The following XPC variants were observed in gnomAD, a reference collection of about 807,000 sequenced individuals.
XPC encodes the protein DNA repair protein complementing XP-C cells.
In XPC, 76 loss-of-function variants were observed where a neutral mutation model predicts 95.8. The ratio of observed to expected loss-of-function variants is 0.79; its 90% CI spans 0.66 to 0.96. The LOEUF (loss-of-function observed/expected upper bound fraction) is 0.96. Among genes scored for constraint, XPC ranks in the 40% least tolerant of loss-of-function variants. The probability of loss-of-function intolerance (pLI) is 0.00; values close to 1 mark genes in which losing one functional copy is unlikely to be tolerated. For synonymous variants in XPC, 442 were observed against 442.1 expected (o/e 1.00, Z 0.00); for missense variants, 1,146 against 1,179.8 (o/e 0.97, Z 0.42).
intron 1 of XPC, among the ~76,000 whole-genome samples, chr3:14,175,896 T>A (rs1349646550): frequency 1.3e-5 from 2 of 152,200 alleles, no homozygotes; most frequent in Non-Finnish European, 2.9e-5. Context: ...ACTCTGCAGA[T>A]CCTGGAAGCT....
At chr3:14,155,839 T>C (rs1286776788) in intron 10 of XPC, among the ~76,000 whole-genome samples, 4 of 152,180 alleles carry the variant, frequency 2.6e-5, no homozygotes, top group South Asian at 2.1e-4. Context: ...ATTACAAGCG[T>C]GAGCCACCGC....
At chr3:14,166,812 T>C (rs1295095007) in intron 5 of XPC, among the ~76,000 whole-genome samples, 1 of 152,228 alleles carries the variant, frequency 6.6e-6, no homozygotes, top group Non-Finnish European at 1.5e-5. Context: ...AGCACCTTGC[T>C]AGGTGTGTGC....
chr3:14,163,899 A>G (rs4685077), intron 7 of XPC, among the ~76,000 whole-genome samples: 6,788 of 152,282 alleles, frequency 0.045, 357 homozygotes, highest in East Asian at 0.22. Flanking sequence ...AAATACAAAA[A>G]TCAGCCAGGC....
At chr3:14,151,667 C>A (rs1426983458) in intron 11 of XPC, 2 of 152,212 alleles carry the variant, frequency 1.3e-5, no homozygotes, top group Admixed American at 1.3e-4. Context: ...CTGTACACTT[C>A]CGGTCGTACG....
rs2227998 is a variant in XPC, at chr3:14,152,389, C to T, written c.2061G>A (p.Arg687=). ...CTCTTGCTTTCTTCAGCCACGTGTCCCTGGAATGCAGAGTGTGCACACAAT... is the reference window on the plus strand; with the variant it reads ...CTCTTGCTTTCTTCAGCCACGTGTCTCTGGAATGCAGAGTGTGCACACAAT... ...SRDCVHTLHS[R]DTWLKKARVV... is the part of the protein sequence containing the mutation. Residue 687 remains arginine (R), a synonymous_variant, in exon 11 of 16, where the codon AGG becomes AGA. Coordinates refer to ENST00000285021, the MANE Select transcript of XPC (RefSeq NM_004628.5). 420,984 of 1,611,184 alleles carry T rather than the reference C, an allele frequency of 0.26. 56,955 individuals carry two copies. Among genetic ancestry groups the T allele is most frequent in the African/African-American group, 0.3 (22,810 of 74,894 alleles).
intron 4 of XPC, among the ~76,000 whole-genome samples, chr3:14,167,988 A>G (rs563374219): frequency 6.6e-6 from 1 of 152,340 alleles, no homozygotes; most frequent in Admixed American, 6.5e-5. Flanking sequence ...CTCATTCACA[A>G]CACTGTTCTA....
chr3:14,148,348 C>T, intron 13 of XPC: 1 of 682,740 alleles, frequency 1.5e-6, no homozygotes, highest in South Asian at 2.1e-5. Context: ...ACGTTTTAAT[C>T]CAGCATTACG....
At position 14,145,240 on chromosome 3, in the gene XPC, C is replaced by T. The variant is rs963272670; in HGVS notation, c.*701G>A. On this transcript the variant is annotated 3_prime_UTR_variant, in exon 16 of 16. Transcript: ENST00000285021. ...TATACATTTTATCTAGTAATGAATACAATCTAGTTTAACACTCATCTATTT... is the reference window on the plus strand; with the variant it reads ...TATACATTTTATCTAGTAATGAATATAATCTAGTTTAACACTCATCTATTT... 1.5e-6 allele frequency: 1 copy of T among 655,766 alleles called. No individual in the cohort carries two copies. Among genetic ancestry groups the T allele is most frequent in the Non-Finnish European group, 2.8e-6 (1 of 361,718 alleles). 40.6% of individuals were successfully genotyped at this position (655,766 alleles called of 1,614,324 possible).
intron 7 of XPC, among the ~76,000 whole-genome samples, chr3:14,162,984 C>G (rs1258860852): frequency 6.6e-6 from 1 of 152,064 alleles, no homozygotes; most frequent in Non-Finnish European, 1.5e-5. Context: ...AAAAAAGATA[C>G]ACAAATGACC....
In XPC at chr3:14,158,975, G is replaced by GTTAA; in HGVS notation, c.991-87_991-84dup. 1 of 1,562,602 alleles carries GTTAA rather than the reference G, an allele frequency of 6.4e-7. No homozygotes were observed. The highest frequency in any genetic ancestry group is 8.7e-7 in the Non-Finnish European group (1 of 1,146,416). ...GATAGAAATCCTGTAATCTAATAGGGTTAAGTCACCAGCTAGAGAACCAAT... is the reference window on the plus strand; with the variant it reads ...GATAGAAATCCTGTAATCTAATAGGGTTAATTAAGTCACCAGCTAGAGAACCAAT... On this transcript the variant is annotated intron_variant, in intron 8 of 15. Transcript: ENST00000285021. This position sits in a 1 kb window ranked among gnomAD's most constrained non-coding sequence, Gnocchi z 5.2.
Position 14,146,110 on chromosome 3 carries a change from T to A in XPC, c.2654A>T (p.Asp885Val). ...TTGAGAGCTGGTCCCCTCCTCTTCA[T>A]CAGAAGAGAGTCCACCTCCTGCATC... ...HTDAGGGLSS[D>V]EEEGTSSQAE... The change falls in exon 16 of 16, where the codon GAT (aspartate) becomes GTT (valine). Residue 885 changes from aspartate (D) to valine (V), a missense_variant. Physicochemically the swap from Asp to Val is radical, Grantham distance 152 (BLOSUM62 -3). Transcript: ENST00000285021. 3 of 1,611,816 alleles carry A rather than the reference T, an allele frequency of 1.9e-6. No homozygotes were observed. Among genetic ancestry groups the A allele is most frequent in the Non-Finnish European group, 2.5e-6 (3 of 1,179,336 alleles).
intron 6 of XPC, 52 bp downstream of exon 6, chr3:14,165,376 G>C: frequency 2.0e-6 from 3 of 1,519,614 alleles, no homozygotes; most frequent in Non-Finnish European, 2.7e-6. Flanking sequence ...GCCTCTGAGA[G>C]AAACACAAAT....
chr3:14,170,317 T>TG (rs751424096), intron 3 of XPC, 121 bp downstream of exon 3: 8 of 905,326 alleles, frequency 8.8e-6, no homozygotes, highest in Non-Finnish European at 1.4e-5. Flanking sequence ...CAACCTTATC[T>TG]GTGGTCTAAT....
At chr3:14,161,740 T>C (rs770934282) in intron 7 of XPC, among the ~76,000 whole-genome samples, 1 of 151,072 alleles carries the variant, frequency 6.6e-6, no homozygotes, top group Non-Finnish European at 1.5e-5. Context: ...GCTTTCCCTC[T>C]AATTATCAGG....
chr3:14,156,488 G>C lies in XPC; in HGVS notation c.1880C>G (p.Ala627Gly). The C allele has an allele frequency of 2.5e-6, 4 of 1,613,800 alleles. No homozygotes were observed. Among genetic ancestry groups the C allele is most frequent in the Non-Finnish European group, 3.4e-6 (4 of 1,179,786 alleles). Reference sequence around the variant, plus strand: ...GGGCAAAGGCTGGTCCATGTGTTTAGCCTGAAACTGCAAAGGCCAGACAGA... The same window carrying C: ...GGGCAAAGGCTGGTCCATGTGTTTACCCTGAAACTGCAAAGGCCAGACAGA... ...REKKEDLEFQ[A>G]KHMDQPLPTA... is the part of the protein sequence containing the mutation. Residue 627 changes from alanine (A) to glycine (G), a missense_variant, in exon 10 of 16, where the codon GCT (alanine) becomes GGT (glycine). Coordinates refer to ENST00000285021, the MANE Select transcript of XPC (RefSeq NM_004628.5).
Position 14,149,013 on chromosome 3 carries a change from C to T in XPC, c.2116-65G>A, listed in dbSNP as rs1394083871. On this transcript the variant is annotated intron_variant, in intron 11 of 15. Transcript: ENST00000285021. Reference sequence around the variant, plus strand: ...TCCAGTTCCTCAGCACCGGGCCAGGCACCATGCTCAGTGCCGCATGCCTGG... The same window carrying T: ...TCCAGTTCCTCAGCACCGGGCCAGGTACCATGCTCAGTGCCGCATGCCTGG... The T allele has an allele frequency of 8.8e-6, 14 of 1,597,568 alleles. No homozygotes were observed. In the East Asian group the frequency reaches 2.9e-4, roughly 33 times the overall value.
At chr3:14,163,975 G>C (rs1696267224) in intron 7 of XPC, among the ~76,000 whole-genome samples, 2 of 152,218 alleles carry the variant, frequency 1.3e-5, no homozygotes, top group Non-Finnish European at 2.9e-5. Context: ...CTTGAACCCA[G>C]GAGGTGGAGG....
Position 14,159,741 on chromosome 3 carries a change from C to A in XPC, c.990G>T (p.Lys330Asn). 1 of 1,560,204 alleles carries A rather than the reference C, an allele frequency of 6.4e-7. No homozygotes were observed. Among genetic ancestry groups the A allele is most frequent in the Non-Finnish European group, 8.7e-7 (1 of 1,151,650 alleles). Residue 330 changes from lysine (K) to asparagine (N), a missense_variant and splice_region_variant, in exon 8 of 16, where the codon AAG becomes AAT. Coordinates refer to ENST00000285021, the MANE Select transcript of XPC (RefSeq NM_004628.5). ...TCTCTGGCAGCCCTGCGCACCTCAC[C>A]TTTGCTGTTGCTGACTTCAGAGGAA... ...QPIPLKSATA[K>N]GKKPSKERLT...
chr3:14,174,211 T>C (rs1043630079), intron 1 of XPC, among the ~76,000 whole-genome samples: 2 of 152,238 alleles, frequency 1.3e-5, no homozygotes, highest in African/African-American at 4.8e-5. Flanking sequence ...AAACATTGTA[T>C]GGAAACCAAA....
Sources: gnomAD v4.1 joint callset for allele counts (sites outside exome capture counted in the v4.1 genomes callset) on GRCh38, gnomAD v4.1.1 for gene constraint, Gnocchi (gnomAD v3.1) non-coding constraint, MANE v1.5 for transcripts, NCBI Gene and HGNC (gene_info 2026-07-23, HGNC 2026-07-21) for gene names.